Variants in RIMS2 observed in about 807,000 individuals in gnomAD.
RIMS2 encodes regulating synaptic membrane exocytosis protein 2.
A neutral mutation model predicts 174.4 loss-of-function variants in RIMS2; 59 were observed. That is an observed-to-expected ratio of 0.34 (90% CI 0.27 to 0.42). The LOEUF (loss-of-function observed/expected upper bound fraction) is 0.42, where lower values mean the gene tolerates loss of function less well. RIMS2 is among the 10% of genes least tolerant of loss of function. The pLI, the probability that RIMS2 is intolerant of heterozygous loss-of-function variation, is 1.00. For synonymous variants in RIMS2, 606 were observed against 572.5 expected (o/e 1.06, Z -0.84); for missense variants, 1,620 against 1,666.3 (o/e 0.97, Z 0.48).
At chr8:103,563,802 G>T (rs1166725951) in intron 1 of RIMS2, among the ~76,000 whole-genome samples, 1 of 152,182 alleles carries the variant, frequency 6.6e-6, no homozygotes, top group Non-Finnish European at 1.5e-5. Context: ...GGCTGGGAAG[G>T]TCTCACAATC....
intron 1 of RIMS2, among the ~76,000 whole-genome samples, chr8:103,617,296 C>G (rs2095527962): frequency 6.6e-6 from 1 of 152,162 alleles, no homozygotes; most frequent in South Asian, 2.1e-4. Flanking sequence ...GCTGGGTTAA[C>G]TGGCTAGCCA....
exon 4 of RIMS2, chr8:103,885,867 C>T: frequency 6.2e-7 from 1 of 1,612,892 alleles, no homozygotes. Context: ...GGACCAAGTT[C>T]TTATGCACAA....
At chr8:103,832,430 A>G (rs2098831483) in intron 3 of RIMS2, among the ~76,000 whole-genome samples, 1 of 152,114 alleles carries the variant, frequency 6.6e-6, no homozygotes, top group East Asian at 1.9e-4. Context: ...GATTTGTTAC[A>G]TAGGTAAACT....
At chr8:103,503,583 G>A (rs1342392678) in intron 1 of RIMS2, among the ~76,000 whole-genome samples, 1 of 151,860 alleles carries the variant, frequency 6.6e-6, no homozygotes, top group Non-Finnish European at 1.5e-5. Flanking sequence ...TAAGAGTAGA[G>A]AGAAAAATAA....
intron 19 of RIMS2, among the ~76,000 whole-genome samples, chr8:104,226,591 A>G (rs899207066): frequency 8.5e-5 from 13 of 152,220 alleles, no homozygotes; most frequent in Admixed American, 4.6e-4. Flanking sequence ...AGACATTAAT[A>G]GAAATAACTA....
intron 19 of RIMS2, among the ~76,000 whole-genome samples, chr8:104,146,480 A>C (rs2133876115): frequency 6.6e-6 from 1 of 152,358 alleles, no homozygotes; most frequent in Non-Finnish European, 1.5e-5. Flanking sequence ...CAAAGTTCTC[A>C]TTAAAATATT....
chr8:103,697,425 G>C (rs903094476), intron 2 of RIMS2, 129 bp downstream of exon 4: 27 of 781,562 alleles, frequency 3.5e-5, no homozygotes, highest in Non-Finnish European at 5.0e-5. Flanking sequence ...TAAAATGCTT[G>C]TGGCCAGACA....
At chr8:103,914,740 T>C (rs1011594320) in intron 6 of RIMS2, among the ~76,000 whole-genome samples, 3 of 152,164 alleles carry the variant, frequency 2.0e-5, no homozygotes, top group African/African-American at 7.2e-5. Flanking sequence ...TTCATTTCAG[T>C]CAGTGAGTTG....
chr8:103,936,385 C>G (rs909663772), intron 12 of RIMS2, among the ~76,000 whole-genome samples, 166 bp from the exon 15 acceptor site: 1 of 151,968 alleles, frequency 6.6e-6, no homozygotes, highest in Non-Finnish European at 1.5e-5. Context: ...ATAGTATACA[C>G]CTTAAAATTT....
At chr8:104,203,061 C>T (rs1339414259) in intron 19 of RIMS2, among the ~76,000 whole-genome samples, 1 of 152,076 alleles carries the variant, frequency 6.6e-6, no homozygotes, top group African/African-American at 2.4e-5. Context: ...AGTACTTTCT[C>T]AAGACATTTT....
intron 19 of RIMS2, among the ~76,000 whole-genome samples, chr8:104,107,943 A>C (rs2098105039): frequency 6.6e-6 from 1 of 150,882 alleles, no homozygotes; most frequent in South Asian, 2.1e-4. Context: ...ATAATAAATA[A>C]ATAGTCCAGG....
At chr8:104,051,889 T>C (rs1395903387) in intron 19 of RIMS2, among the ~76,000 whole-genome samples, 1 of 152,230 alleles carries the variant, frequency 6.6e-6, no homozygotes, top group East Asian at 1.9e-4. Context: ...TCCTGGGATA[T>C]ACAGAGTATT....
intron 2 of RIMS2, among the ~76,000 whole-genome samples, chr8:103,749,051 G>T (rs532097572): frequency 1.3e-5 from 2 of 151,776 alleles, no homozygotes; most frequent in South Asian, 2.1e-4. Flanking sequence ...CGCCCACCTC[G>T]GCCTCCCAAA....
At chr8:103,852,475 G>C (rs1035202204) in intron 3 of RIMS2, among the ~76,000 whole-genome samples, 4 of 148,240 alleles carry the variant, frequency 2.7e-5, no homozygotes, top group Admixed American at 6.7e-5. Flanking sequence ...GTGCTCAATT[G>C]CAGTATATCT....
chr8:103,526,912 G>C (rs1056297803), intron 1 of RIMS2, among the ~76,000 whole-genome samples: 1 of 152,130 alleles, frequency 6.6e-6, no homozygotes, highest in African/African-American at 2.4e-5. Flanking sequence ...TTCACAAAGT[G>C]CTGCAAAACT....
At chr8:103,786,013 C>T (rs1429395822) in intron 3 of RIMS2, among the ~76,000 whole-genome samples, 2 of 151,276 alleles carry the variant, frequency 1.3e-5, no homozygotes, top group East Asian at 1.9e-4. Context: ...GTGTATGTGT[C>T]GAGGAATGTA....
intron 1 of RIMS2, among the ~76,000 whole-genome samples, chr8:103,593,289 T>C (rs1460147751): frequency 6.6e-6 from 1 of 151,462 alleles, no homozygotes; most frequent in African/African-American, 2.4e-5. Context: ...TATGTTAACA[T>C]TTAGAATATT....
intron 1 of RIMS2, among the ~76,000 whole-genome samples, chr8:103,596,431 T>C (rs1258023065): frequency 6.6e-6 from 1 of 152,074 alleles, no homozygotes; most frequent in Admixed American, 6.6e-5. Context: ...CTTTGCTTAA[T>C]AGTGAACTGG....
rs115008824 is a variant in RIMS2 at position 104,043,397 on chromosome 8, C to T, written c.3334+28782C>T. 2.4e-3 allele frequency among the ~76,000 whole-genome samples: 368 copies of T among 151,624 alleles called. 2 individuals carry two copies. The highest frequency in any genetic ancestry group is 7.9e-3 in the African/African-American group (329 of 41,452). On this transcript the variant is annotated intron_variant, in intron 19 of 23. Coordinates refer to ENST00000504942, the Ensembl canonical transcript of RIMS2. ...GATTGTGTAATGATTGGCTCATTAG[C>T]ACACTTCGGATGTAGTAATTAATCA...
Sources: allele counts gnomAD v4.1 joint callset (sites outside exome capture counted in the v4.1 genomes callset), GRCh38; gene constraint gnomAD v4.1.1; transcripts MANE v1.5; gene names NCBI Gene and HGNC (gene_info 2026-07-23, HGNC 2026-07-21).